BCL7C: variants seen among roughly 807,000 people sequenced by gnomAD.
BCL7C encodes B-cell CLL/lymphoma 7 protein family member C.
A neutral mutation model predicts 26.2 loss-of-function variants in BCL7C; 8 were observed. That is an observed-to-expected ratio of 0.30 (90% CI 0.18 to 0.55). BCL7C has a LOEUF of 0.55. BCL7C is among the 20% of genes least tolerant of loss of function. BCL7C has a pLI of 0.93. For missense variants in BCL7C, 262 were observed against 298.5 expected, an observed-to-expected ratio of 0.88 and a Z score of 0.90; for synonymous variants, 90 against 116.5, an observed-to-expected ratio of 0.77 and a Z score of 1.47.
intron 4 of BCL7C, among the ~76,000 whole-genome samples, chr16:30,892,086 G>A (rs934996588): frequency 6.6e-6 from 1 of 151,580 alleles, no homozygotes; most frequent in East Asian, 1.9e-4. Flanking sequence ...GGGCAACATG[G>A]TGAAACCTTA....
At chr16:30,876,648 G>C (rs1054062690) in intron 5 of BCL7C, among the ~76,000 whole-genome samples, 1 of 152,100 alleles carries the variant, frequency 6.6e-6, no homozygotes, top group African/African-American at 2.4e-5. Context: ...TAGTTTGAAG[G>C]TCAGGGAACC....
chr16:30,871,921 A>G (rs1317673453), intron 5 of BCL7C, among the ~76,000 whole-genome samples: 1 of 152,150 alleles, frequency 6.6e-6, no homozygotes, highest in Non-Finnish European at 1.5e-5. Context: ...GTTTGGGTCA[A>G]GTTGAATTGC....
rs189342942 is a variant in BCL7C, at chr16:30,881,372, G to A, written c.528+7488C>T. On this transcript the variant is annotated intron_variant, in intron 5 of 5. Transcript: ENST00000380317. ...GATTGCACCTCTGCATTCCAGCCTG[G>A]GTGACAGAGTGAGACTCCGTCACAC... 4.3e-4 allele frequency among the ~76,000 whole-genome samples: 61 copies of A among 141,038 alleles called. 1 individual carries two copies. The highest frequency in any genetic ancestry group is 1.5e-3 in the African/African-American group (60 of 38,972). The allele number at this position is 141,038 out of a possible 152,430, so 92.5% of individuals were successfully genotyped here.
intron 4 of BCL7C, among the ~76,000 whole-genome samples, chr16:30,890,647 C>T (rs1276735322): frequency 9.2e-5 from 14 of 151,702 alleles, no homozygotes; most frequent in Admixed American, 7.2e-4. Context: ...GTCAGGGGTA[C>T]GAGACTAGCC....
At chr16:30,887,074 C>T (rs2055143923), downstream of BCL7C, among the ~76,000 whole-genome samples, 1 of 151,992 alleles carries the variant, frequency 6.6e-6, no homozygotes, top group South Asian at 2.1e-4. Flanking sequence ...TTTGGGAGGC[C>T]GAGGCGGGCA....
At position 30,892,947 on chromosome 16, in the gene BCL7C, T is replaced by A; in HGVS notation, c.173A>T (p.Glu58Val). The A allele has an allele frequency of 1.2e-6, 2 of 1,611,990 alleles. No homozygotes were observed. Among genetic ancestry groups the A allele is most frequent in the Non-Finnish European group, 8.5e-7 (1 of 1,179,446 alleles). The change falls in exon 3 of 6, where the codon GAG (glutamate) becomes GTG (valine). Residue 58 changes from glutamate (E) to valine (V), a missense_variant and splice_region_variant. By Grantham distance (121) the Glu-to-Val change is moderately radical (BLOSUM62 -2). Transcript: ENST00000215115. The stretch of plus-strand genomic sequence containing the variant: ...TGCCCCGCCACCTGCCCGCCTTCGC[T>A]CCTGGGGGTTAGAGGATTAGGGTCA... ...WVPVVDPQEE[E>V]RRRAGGGAER...
At chr16:30,856,753 C>G (rs1441137314) in intron 5 of BCL7C, among the ~76,000 whole-genome samples, 1 of 152,144 alleles carries the variant, frequency 6.6e-6, no homozygotes, top group African/African-American at 2.4e-5. Flanking sequence ...TAGCACTGCT[C>G]TAACCTTCCC....
chr16:30,879,689 CAAAAAA>C (rs1187827463), intron 5 of BCL7C, among the ~76,000 whole-genome samples: 1 of 29,406 alleles, frequency 3.4e-5, no homozygotes. Flanking sequence ...CCCTTCTCTA[CAAAAAA>C]AAAAAAAAAA....
chr16:30,881,500 A>G (rs1463396593), intron 5 of BCL7C, among the ~76,000 whole-genome samples: 1 of 152,132 alleles, frequency 6.6e-6, no homozygotes, highest in Non-Finnish European at 1.5e-5. Flanking sequence ...CCCAGAGGAA[A>G]AGCCAAGTCT....
intron 5 of BCL7C, among the ~76,000 whole-genome samples, chr16:30,842,600 G>A (rs1299388164): frequency 2.6e-5 from 4 of 152,070 alleles, no homozygotes; most frequent in African/African-American, 4.8e-5. Context: ...ACAGAGTCTC[G>A]CTCTGTCACC....
chr16:30,838,596 A>G (rs1345217284), intron 5 of BCL7C, among the ~76,000 whole-genome samples: 1 of 152,222 alleles, frequency 6.6e-6, no homozygotes, highest in Non-Finnish European at 1.5e-5. Flanking sequence ...CACCCTGGCC[A>G]ACATGGCGAT....
chr16:30,884,787 A>G (rs1307206865), downstream of BCL7C, among the ~76,000 whole-genome samples: 1 of 152,116 alleles, frequency 6.6e-6, no homozygotes, highest in Non-Finnish European at 1.5e-5. Flanking sequence ...GTGAGCCACC[A>G]TGCCTGGCCT....
intron 5 of BCL7C, among the ~76,000 whole-genome samples, chr16:30,871,025 G>GT (rs2054878025): frequency 1.3e-5 from 2 of 152,248 alleles, no homozygotes; most frequent in African/African-American, 4.8e-5. Context: ...CTGACACATA[G>GT]TAACTCGGTG....
Position 30,893,792 on chromosome 16 carries a change from A to C in BCL7C, c.92+61T>G. The C allele has an allele frequency of 6.7e-7, 1 of 1,486,350 alleles. No individual in the cohort carries two copies. Among genetic ancestry groups the C allele is most frequent in the Admixed American group, 1.7e-5 (1 of 59,314 alleles). The allele number at this position is 1,486,350 out of a possible 1,614,324, so 92.1% of individuals were successfully genotyped here. A position where few individuals can be genotyped will look rare whatever the true frequency, so the allele number is the denominator to read the frequency against. The stretch of plus-strand genomic sequence containing the variant: ...GGCCCAGAGCTGGCGAGGGCAGCGT[A>C]GACGCCTTTGGTGCTGGTGGTCCCG... On this transcript the variant is annotated intron_variant, in intron 1 of 5. Coordinates refer to ENST00000215115, the MANE Select transcript of BCL7C (RefSeq NM_004765.4). The surrounding 1 kb of genome is among the most constrained non-coding windows in gnomAD (Gnocchi z 5.2).
chr16:30,838,912 T>A (rs2054585541), intron 5 of BCL7C, among the ~76,000 whole-genome samples: 1 of 152,198 alleles, frequency 6.6e-6, no homozygotes, highest in African/African-American at 2.4e-5. Flanking sequence ...TTTCAAACTT[T>A]CCCCAAATCG....
Position 30,837,560 on chromosome 16 carries a change from C to T in BCL7C, c.529-2412G>A, listed in dbSNP as rs140730786. On this transcript the variant is annotated intron_variant, in intron 5 of 5. Coordinates refer to the BCL7C transcript ENST00000380317. Reference sequence around the variant, plus strand: ...ATGGGGTTTCACCATGTTGGCCAGGCTGGTCTCAAACTCCTGACCTCAGGT... The same window carrying T: ...ATGGGGTTTCACCATGTTGGCCAGGTTGGTCTCAAACTCCTGACCTCAGGT... Among the ~76,000 whole-genome samples the T allele has an allele frequency of 6.5e-3, 989 of 152,200 alleles. 3 individuals are homozygous for T. Among genetic ancestry groups the T allele is most frequent in the Middle Eastern group, 0.02 (6 of 294 alleles).
chr16:30,863,911 G>A (rs1252547541), intron 5 of BCL7C, among the ~76,000 whole-genome samples: 1 of 152,102 alleles, frequency 6.6e-6, no homozygotes, highest in African/African-American at 2.4e-5. Context: ...GATCTTTGCT[G>A]ACAGGGCACA....
chr16:30,886,604 G>C (rs536887066), downstream of BCL7C, among the ~76,000 whole-genome samples: 1 of 152,282 alleles, frequency 6.6e-6, no homozygotes, highest in Admixed American at 6.5e-5. Context: ...AGACAAGACA[G>C]ACACACAAAC....
intron 5 of BCL7C, chr16:30,851,245 ATT>A (rs562074908): frequency 3.4e-3 from 807 of 233,956 alleles, no homozygotes; most frequent in South Asian, 6.8e-3. Context: ...TTCGTTCAAC[ATT>A]TTTTTTTTTT....
Sources: gnomAD v4.1 joint callset for allele counts (sites outside exome capture counted in the v4.1 genomes callset) on GRCh38, gnomAD v4.1.1 for gene constraint, Gnocchi (gnomAD v3.1) non-coding constraint, MANE v1.5 for transcripts, NCBI Gene and HGNC (gene_info 2026-07-23, HGNC 2026-07-21) for gene names.